Variants in LCORL observed in about 807,000 individuals in gnomAD.
LCORL encodes ligand-dependent nuclear receptor corepressor-like protein.
Under a neutral mutation model 141.8 loss-of-function variants are expected in LCORL, and 41 were observed. That is an observed-to-expected ratio of 0.29 (90% CI 0.23 to 0.38). The LOEUF is 0.38. Ranked by LOEUF, LCORL falls within the 10% of genes least tolerant of loss-of-function variation. The pLI is 1.00. For synonymous variants in LCORL, 618 were observed against 694.1 expected (o/e 0.89, Z 1.72); for missense variants, 1,759 against 2,035.0 (o/e 0.86, Z 2.61).
intron 1 of LCORL, among the ~76,000 whole-genome samples, chr4:17,982,052 G>A (rs183125179): frequency 1.3e-5 from 2 of 151,184 alleles, no homozygotes; most frequent in East Asian, 3.9e-4. Context: ...TTATGTCCCT[G>A]CAAAGGACAT....
intron 1 of LCORL, among the ~76,000 whole-genome samples, chr4:17,992,647 T>C (rs1230633350): frequency 6.6e-6 from 1 of 152,222 alleles, no homozygotes. Context: ...ATGCAATTAT[T>C]ATCAGTCAAG....
At position 17,911,878 on chromosome 4, in the gene LCORL, G is replaced by A. The variant is rs183074741; in HGVS notation, c.431-2533C>T. The A allele has an allele frequency of 1.9e-4, 89 of 477,068 alleles. 3 individuals carry two copies. Among genetic ancestry groups the A allele is most frequent in the Admixed American group, 9.4e-4 (37 of 39,420 alleles). 29.6% of individuals were successfully genotyped at this position (477,068 alleles called of 1,614,324 possible). ...CGGGGACCTGGCCGTGGGGATGGCC[G>A]GGGGTCTGGCAGGAAAGGGAGGCAT... On this transcript the variant is annotated intron_variant, in intron 4 of 7. Transcript: ENST00000635767.
At chr4:17,894,770 T>C (rs1191579725) in intron 5 of LCORL, among the ~76,000 whole-genome samples, 1 of 152,148 alleles carries the variant, frequency 6.6e-6, no homozygotes, top group Non-Finnish European at 1.5e-5. Flanking sequence ...GTATATCTCC[T>C]GAAAGGGTTT....
chr4:17,969,812 T>C (rs1357556760), intron 2 of LCORL, among the ~76,000 whole-genome samples: 1 of 152,122 alleles, frequency 6.6e-6, no homozygotes, highest in Non-Finnish European at 1.5e-5. Flanking sequence ...CAAAACTATG[T>C]TAAAATAAGA....
At chr4:17,911,714 G>A in intron 4 of LCORL, 2 of 498,072 alleles carry the variant, frequency 4.0e-6, no homozygotes, top group South Asian at 3.1e-5. Context: ...ACCAGCTACT[G>A]TTTCCTGGAC....
intron 1 of LCORL, among the ~76,000 whole-genome samples, chr4:17,977,758 G>GT (rs1717244501): frequency 6.6e-6 from 1 of 152,134 alleles, no homozygotes. Context: ...AAGAACAACA[G>GT]TTGTTAATTT....
intron 4 of LCORL, among the ~76,000 whole-genome samples, chr4:17,910,307 T>C (rs1477485406): frequency 2.0e-5 from 3 of 152,210 alleles, no homozygotes; most frequent in Non-Finnish European, 4.4e-5. Flanking sequence ...TTTGGCTCCA[T>C]TCCCTTTATT....
intron 4 of LCORL, among the ~76,000 whole-genome samples, chr4:17,936,373 A>AAG (rs946910260): frequency 5.3e-5 from 8 of 151,542 alleles, no homozygotes; most frequent in African/African-American, 1.5e-4. Flanking sequence ...AAAAAAAAAA[A>AAG]AAAAGAAACA....
chr4:17,990,642 G>GA (rs1206671100), intron 1 of LCORL, among the ~76,000 whole-genome samples: 1 of 131,352 alleles, frequency 7.6e-6, no homozygotes, highest in East Asian at 2.2e-4. Flanking sequence ...TCCCATCTTG[G>GA]TTTTTTTTTT....
intron 1 of LCORL, among the ~76,000 whole-genome samples, chr4:17,978,222 G>GTT (rs1000133713): frequency 6.6e-6 from 1 of 152,118 alleles, no homozygotes; most frequent in Non-Finnish European, 1.5e-5. Flanking sequence ...ATTTTACATT[G>GTT]TGAGTGCTGG....
At chr4:18,000,513 T>C (rs1381661733) in intron 1 of LCORL, among the ~76,000 whole-genome samples, 1 of 152,178 alleles carries the variant, frequency 6.6e-6, no homozygotes, top group Non-Finnish European at 1.5e-5. Context: ...TTTCTAAGAA[T>C]GTAAAATGAA....
intron 4 of LCORL, among the ~76,000 whole-genome samples, chr4:17,918,865 C>T (rs914422063): frequency 3.9e-5 from 6 of 152,086 alleles, no homozygotes; most frequent in African/African-American, 1.4e-4. Context: ...TCAACAAATG[C>T]CAAGCAGAAT....
intron 5 of LCORL, among the ~76,000 whole-genome samples, chr4:17,892,209 CTTTTTTTTTTTTTTTTT>C (rs1729204506): frequency 7.9e-6 from 1 of 126,508 alleles, no homozygotes; most frequent in Admixed American, 8.0e-5. Flanking sequence ...TTTTTTTTTT[CTTTTTTTTTTTTTTTTT>C]GAGACGGAAT....
intron 5 of LCORL, among the ~76,000 whole-genome samples, chr4:17,906,992 C>T (rs1731750595): frequency 6.6e-6 from 1 of 152,164 alleles, no homozygotes; most frequent in African/African-American, 2.4e-5. Context: ...AAAATGCCAA[C>T]TATTCTAACC....
chr4:17,978,348 G>A (rs957623609), intron 1 of LCORL, among the ~76,000 whole-genome samples: 6 of 152,124 alleles, frequency 3.9e-5, no homozygotes, highest in Middle Eastern at 3.2e-3. Context: ...GTAATACCAA[G>A]AACTTGAGAG....
At chr4:17,940,151 T>TATGTATATATATGTATAC (rs1737659404) in intron 4 of LCORL, among the ~76,000 whole-genome samples, 1 of 131,978 alleles carries the variant, frequency 7.6e-6, no homozygotes, top group Admixed American at 8.2e-5. Context: ...TATATGTATA[T>TATGTATATATATGTATAC]ATGTATATAT....
chr4:17,848,266 T>A (rs1367229662), intron 7 of LCORL, among the ~76,000 whole-genome samples: 1 of 152,222 alleles, frequency 6.6e-6, no homozygotes, highest in African/African-American at 2.4e-5. Context: ...TGGGCAGTAC[T>A]GCTCTACAGA....
At chr4:17,887,407 T>C (rs1396857265) in intron 5 of LCORL, among the ~76,000 whole-genome samples, 1 of 152,060 alleles carries the variant, frequency 6.6e-6, no homozygotes, top group African/African-American at 2.4e-5. Context: ...AATGCTGCTG[T>C]TTTACACAGT....
rs77286118 is a variant in LCORL, at chr4:17,895,065, T to C, written c.683-8904A>G. ...ATAAAAAAAGTTTTATTGGTTTGAA[T>C]TGACACATAATTGAACCTATTTATG... On this transcript the variant is annotated intron_variant, in intron 5 of 7. Coordinates refer to ENST00000635767, the Ensembl canonical transcript of LCORL. 4.8e-3 allele frequency among the ~76,000 whole-genome samples: 731 copies of C among 150,926 alleles called. 3 individuals are homozygous for C. Among genetic ancestry groups the C allele is most frequent in the African/African-American group, 0.017 (692 of 41,252 alleles).
Sources: allele counts gnomAD v4.1 joint callset (sites outside exome capture counted in the v4.1 genomes callset), GRCh38; gene constraint gnomAD v4.1.1; transcripts MANE v1.5; gene names NCBI Gene and HGNC (gene_info 2026-07-23, HGNC 2026-07-21).